MGAT4C: variants seen among roughly 807,000 people sequenced by gnomAD.
The protein encoded by MGAT4C is alpha-1,3-mannosyl-glycoprotein 4-beta-N-acetylglucosaminyltransferase C.
MGAT4C carries 19 observed loss-of-function variants against 40.1 expected under a neutral mutation model. That is an observed-to-expected ratio of 0.47 (90% confidence interval 0.33 to 0.70). The LOEUF (loss-of-function observed/expected upper bound fraction) is 0.70. Ranked by LOEUF, MGAT4C falls within the 30% of genes least tolerant of loss-of-function variation. The probability of loss-of-function intolerance (pLI) is 0.02; values close to 1 mark genes in which losing one functional copy is unlikely to be tolerated. For missense variants in MGAT4C, 491 were observed against 563.2 expected (o/e 0.87, Z 1.30); for synonymous variants, 181 against 187.1 (o/e 0.97, Z 0.27).
chr12:86,083,948 T>G (rs941324500), intron 1 of MGAT4C, among the ~76,000 whole-genome samples: 1 of 152,058 alleles, frequency 6.6e-6, no homozygotes, highest in African/African-American at 2.4e-5. Flanking sequence ...TCTACTCATG[T>G]TGAACAGAGG....
rs911946414 is a variant in MGAT4C at position 86,493,077 on chromosome 12, C to T, written c.-228-57812G>A. 3.3e-5 allele frequency among the ~76,000 whole-genome samples: 5 copies of T among 150,466 alleles called. 1 individual carries two copies. The highest frequency in any genetic ancestry group is 1.3e-4 in the African/African-American group (5 of 39,892). ...ACCATCACTGGCCATGAGAGAAATGCAAATCAAAACCACAATGAGATACCA... is the reference window on the plus strand; with the variant it reads ...ACCATCACTGGCCATGAGAGAAATGTAAATCAAAACCACAATGAGATACCA... On this transcript the variant is annotated intron_variant, in intron 2 of 7. Transcript: ENST00000548651.
At chr12:86,669,918 T>G (rs1162888584) in intron 2 of MGAT4C, among the ~76,000 whole-genome samples, 1 of 151,932 alleles carries the variant, frequency 6.6e-6, no homozygotes, top group African/African-American at 2.4e-5. Flanking sequence ...GTATCAGATG[T>G]GCATAAGGAC....
At chr12:86,035,076 C>G (rs1891104674) in intron 2 of MGAT4C, among the ~76,000 whole-genome samples, 1 of 149,992 alleles carries the variant, frequency 6.7e-6, no homozygotes, top group Non-Finnish European at 1.5e-5. Context: ...TGATTTCTAA[C>G]CCTTTGGGTA....
intron 4 of MGAT4C, among the ~76,000 whole-genome samples, chr12:86,302,660 C>T (rs1953844547): frequency 6.6e-6 from 1 of 150,550 alleles, no homozygotes; most frequent in Non-Finnish European, 1.5e-5. Context: ...AATTCCTGAT[C>T]TCATGTGATC....
At chr12:86,529,604 T>C (rs1379358469) in intron 2 of MGAT4C, among the ~76,000 whole-genome samples, 2 of 152,096 alleles carry the variant, frequency 1.3e-5, no homozygotes, top group Non-Finnish European at 2.9e-5. Context: ...AGTCCCATCA[T>C]TGATTTTATT....
At chr12:86,824,383 GA>G (rs1952762808) in intron 1 of MGAT4C, among the ~76,000 whole-genome samples, 1 of 151,414 alleles carries the variant, frequency 6.6e-6, no homozygotes, top group Non-Finnish European at 1.5e-5. Context: ...TGTTAAGAAT[GA>G]ATCTTCTATT....
upstream of MGAT4C, among the ~76,000 whole-genome samples, chr12:86,256,790 C>T (rs894317408): frequency 2.6e-5 from 4 of 152,004 alleles, no homozygotes; most frequent in Admixed American, 1.3e-4. Context: ...AATTACTTTG[C>T]ATTGATTTTA....
rs531760084 is a variant in MGAT4C, at chr12:86,657,629, T to G, written c.-229+69580A>C. 3.3e-5 allele frequency among the ~76,000 whole-genome samples: 5 copies of G among 152,020 alleles called. No homozygotes were observed. The South Asian group carries it at 1.0e-3, about 32-fold the overall frequency. Reference sequence around the variant, plus strand: ...AAGTCTAATCAACACAGAAAAAAGTTAAAGAAACTTGGAATGAAAACAATT... The same window carrying G: ...AAGTCTAATCAACACAGAAAAAAGTGAAAGAAACTTGGAATGAAAACAATT... On this transcript the variant is annotated intron_variant, in intron 2 of 7. Coordinates refer to the MGAT4C transcript ENST00000548651.
At chr12:86,628,652 C>A (rs1962905672) in intron 2 of MGAT4C, among the ~76,000 whole-genome samples, 1 of 152,110 alleles carries the variant, frequency 6.6e-6, no homozygotes, top group Non-Finnish European at 1.5e-5. Context: ...AACTAAGCTT[C>A]ATAAGTGAAG....
intron 1 of MGAT4C, among the ~76,000 whole-genome samples, chr12:86,179,425 C>A (rs888794668): frequency 6.6e-6 from 1 of 152,120 alleles, no homozygotes; most frequent in African/African-American, 2.4e-5. Flanking sequence ...GTGGAAGCAA[C>A]TTTGGAACTG....
chr12:86,773,945 CTTTTTTTTT>C (rs140530916), intron 1 of MGAT4C, among the ~76,000 whole-genome samples: 3 of 58,438 alleles, frequency 5.1e-5, no homozygotes, highest in East Asian at 5.7e-4. Context: ...AAAGTAACTT[CTTTTTTTTT>C]TTTTTTTTTT....
In MGAT4C at chr12:86,588,452, T is replaced by C. The variant is rs564092856; in HGVS notation, c.-229+138757A>G. Among the ~76,000 whole-genome samples, 385 of 152,108 alleles carry C rather than the reference T, an allele frequency of 2.5e-3. 1 individual carries two copies. The highest frequency in any genetic ancestry group is 9.1e-3 in the African/African-American group (377 of 41,522). On this transcript the variant is annotated intron_variant, in intron 2 of 7. Coordinates refer to the MGAT4C transcript ENST00000548651. ...GACTTAGACTAACACACATTAATAA[T>C]GGGAGACTTTAACACCCCACTGTCA...
At chr12:86,316,942 G>A (rs1392877283) in intron 4 of MGAT4C, among the ~76,000 whole-genome samples, 2 of 151,692 alleles carry the variant, frequency 1.3e-5, no homozygotes, top group East Asian at 3.9e-4. Context: ...AGTTTTAACT[G>A]AAATATTTAA....
rs565900610 is a variant in MGAT4C, at chr12:86,021,666, C to CA, written c.-7+28007dup. Among the ~76,000 whole-genome samples, 629 of 151,838 alleles carry CA rather than the reference C, an allele frequency of 4.1e-3. 5 individuals carry two copies. Among genetic ancestry groups the CA allele is most frequent in the African/African-American group, 0.015 (605 of 41,412 alleles). ...TGAAGAATTAATGTGTGTAGCACAC[C>CA]AACATGGCACATGTATACATATGTA... On this transcript the variant is annotated intron_variant, in intron 2 of 4. Transcript: ENST00000611864.
At chr12:86,643,051 C>CT (rs2136523715) in intron 2 of MGAT4C, among the ~76,000 whole-genome samples, 1 of 151,720 alleles carries the variant, frequency 6.6e-6, no homozygotes, top group South Asian at 2.1e-4. Context: ...TGTGCTGTTA[C>CT]AGCAGAATAC....
intron 2 of MGAT4C, among the ~76,000 whole-genome samples, chr12:86,493,024 C>T (rs979732061): frequency 6.6e-6 from 1 of 151,040 alleles, no homozygotes; most frequent in African/African-American, 2.5e-5. Context: ...GACATTTATG[C>T]AGCCAAAAAA....
chr12:86,590,751 T>G (rs746151130), intron 2 of MGAT4C, among the ~76,000 whole-genome samples: 1 of 151,964 alleles, frequency 6.6e-6, no homozygotes, highest in Non-Finnish European at 1.5e-5. Flanking sequence ...TTAACCTAGA[T>G]TGAATTCAGT....
chr12:86,514,262 A>C lies in MGAT4C; in HGVS notation c.-228-78997T>G, dbSNP rs190997039. Among the ~76,000 whole-genome samples, 5 of 152,320 alleles carry C rather than the reference A, an allele frequency of 3.3e-5. No homozygotes were observed. In the East Asian group the frequency reaches 7.7e-4, roughly 24 times the overall value. ...CAAAGTTAACAGAATTAGTTCAGTAAAGTCACTAAGGAAACAATCAACAAC... is the reference window on the plus strand; with the variant it reads ...CAAAGTTAACAGAATTAGTTCAGTACAGTCACTAAGGAAACAATCAACAAC... On this transcript the variant is annotated intron_variant, in intron 2 of 7. Coordinates refer to the MGAT4C transcript ENST00000548651.
chr12:86,178,151 T>C (rs1176879329), intron 1 of MGAT4C, among the ~76,000 whole-genome samples: 2 of 152,218 alleles, frequency 1.3e-5, no homozygotes, highest in Non-Finnish European at 2.9e-5. Flanking sequence ...TTAGCCAGGA[T>C]GGTCTTGATC....
Sources: allele counts gnomAD v4.1 joint callset (sites outside exome capture counted in the v4.1 genomes callset), GRCh38; gene constraint gnomAD v4.1.1; transcripts MANE v1.5; gene names NCBI Gene and HGNC (gene_info 2026-07-23, HGNC 2026-07-21).